Variants in DNAH3 observed in about 807,000 individuals in gnomAD.
The protein encoded by DNAH3 is axonemal beta dynein heavy chain 3.
DNAH3 carries 332 observed loss-of-function variants against 432.5 expected under a neutral mutation model. That is an observed-to-expected ratio of 0.77 (90% CI 0.70 to 0.84). DNAH3 has a LOEUF of 0.84. DNAH3 is among the 40% of genes least tolerant of loss of function. The pLI is 0.00. For missense variants in DNAH3, 4,861 were observed against 5,114.0 expected, an observed-to-expected ratio of 0.95 and a Z score of 1.51; for synonymous variants, 1,956 against 1,900.2, an observed-to-expected ratio of 1.03 and a Z score of -0.76.
At chr16:21,033,106 A>G (rs978041785) in intron 36 of DNAH3, among the ~76,000 whole-genome samples, 1 of 152,168 alleles carries the variant, frequency 6.6e-6, no homozygotes, top group Non-Finnish European at 1.5e-5. Context: ...TGCCGGGATT[A>G]TGGGTGTGAG....
rs569635204 is a variant in DNAH3, at chr16:21,145,565, G to A, written c.223-159C>T. ...AAGATTGTCTGAACAGACACCAACTGTACTTCTCTGACCATTGTAAGCATG... is the reference window on the plus strand; with the variant it reads ...AAGATTGTCTGAACAGACACCAACTATACTTCTCTGACCATTGTAAGCATG... On this transcript the variant is annotated intron_variant, in intron 2 of 61. Coordinates refer to ENST00000261383, the Ensembl canonical transcript of DNAH3. 7.2e-5 allele frequency among the ~76,000 whole-genome samples: 11 copies of A among 152,312 alleles called. No individual in the cohort carries two copies. In the South Asian group the frequency reaches 2.3e-3, roughly 32 times the overall value.
At chr16:20,963,970 A>G in exon 53 of DNAH3, 2 of 1,614,150 alleles carry the variant, frequency 1.2e-6, no homozygotes, top group Non-Finnish European at 1.7e-6. Context: ...GATACAAAAG[A>G]AGATGGTGGC....
At chr16:21,023,606 A>C (rs1421062750) in intron 39 of DNAH3, among the ~76,000 whole-genome samples, 2 of 152,170 alleles carry the variant, frequency 1.3e-5, no homozygotes, top group Non-Finnish European at 2.9e-5. Flanking sequence ...CTTGGAAACA[A>C]GACAGGACTG....
At chr16:20,970,107 C>G (rs188972958) in intron 51 of DNAH3, 117 bp from the exon 52 acceptor site, 1 of 959,816 alleles carries the variant, frequency 1.0e-6, no homozygotes, top group Non-Finnish European at 1.6e-6. Flanking sequence ...TTCCAGATAC[C>G]CTTTAACATG....
intron 59 of DNAH3, 40 bp downstream of exon 59, chr16:20,941,361 G>GTTCCA: frequency 2.5e-6 from 4 of 1,611,314 alleles, no homozygotes; most frequent in Non-Finnish European, 3.4e-6. Context: ...TACTCCTCAC[G>GTTCCA]TTCCAACTCC....
chr16:21,083,490 G>A (rs916345926), intron 19 of DNAH3, among the ~76,000 whole-genome samples: 1 of 152,206 alleles, frequency 6.6e-6, no homozygotes. Flanking sequence ...TTAGTGTAGT[G>A]ATCCAAAAAG....
chr16:21,076,268 G>C (rs1045593621), intron 20 of DNAH3, among the ~76,000 whole-genome samples: 2 of 152,166 alleles, frequency 1.3e-5, no homozygotes, highest in Non-Finnish European at 2.9e-5. Flanking sequence ...TTAGGACACA[G>C]ACACACAGAG....
exon 43 of DNAH3, chr16:21,000,297 G>C (rs1435241525): frequency 1.2e-6 from 2 of 1,614,154 alleles, no homozygotes; most frequent in Admixed American, 1.7e-5. Context: ...GCTTGGACAT[G>C]ATGATATCCT....
intron 55 of DNAH3, 98 bp downstream of exon 55, chr16:20,954,715 C>T: frequency 1.4e-6 from 2 of 1,390,662 alleles, no homozygotes; most frequent in Non-Finnish European, 1.9e-6. Flanking sequence ...TACTGGCAAC[C>T]CTATCTGAGC....
At chr16:21,041,160 C>G (rs536074289) in intron 32 of DNAH3, among the ~76,000 whole-genome samples, 3 of 152,202 alleles carry the variant, frequency 2.0e-5, no homozygotes, top group Non-Finnish European at 4.4e-5. Flanking sequence ...TGCCTGAGGT[C>G]AGGAGTTTGA....
intron 14 of DNAH3, among the ~76,000 whole-genome samples, chr16:21,107,335 G>A (rs1473986562): frequency 6.7e-6 from 1 of 149,044 alleles, no homozygotes; most frequent in Non-Finnish European, 1.5e-5. Context: ...TGCTTCCCGG[G>A]CTCAAGCAAT....
At chr16:21,003,744 C>T (rs764466803) in intron 41 of DNAH3, among the ~76,000 whole-genome samples, 1 of 152,046 alleles carries the variant, frequency 6.6e-6, no homozygotes. Flanking sequence ...CACTGCACTC[C>T]AGCCTGGGCA....
At chr16:20,979,913 C>G (rs1455088088) in intron 49 of DNAH3, among the ~76,000 whole-genome samples, 1 of 152,088 alleles carries the variant, frequency 6.6e-6, no homozygotes, top group Admixed American at 6.6e-5. Flanking sequence ...CCACGCCCAG[C>G]TAATTTTTCT....
chr16:21,158,653 C>G (rs905504296), intron 1 of DNAH3: 3 of 152,700 alleles, frequency 2.0e-5, no homozygotes, highest in African/African-American at 7.2e-5. Context: ...GGCTCCCTCT[C>G]GGGACGCTCT....
exon 6 of DNAH3, chr16:21,136,372 C>A: frequency 6.2e-7 from 1 of 1,614,032 alleles, no homozygotes; most frequent in Non-Finnish European, 8.5e-7. Context: ...TTCTCCTGCA[C>A]GAGGACCACC....
chr16:20,992,232 G>T (rs2086588084), intron 44 of DNAH3, among the ~76,000 whole-genome samples: 1 of 152,032 alleles, frequency 6.6e-6, no homozygotes, highest in Middle Eastern at 3.4e-3. Flanking sequence ...TCTTTGGTGA[G>T]TGAAAGCCTC....
chr16:21,157,025 A>ACACACACACACACACACACACACACAC (rs2092902716), intron 1 of DNAH3, among the ~76,000 whole-genome samples: 3 of 151,368 alleles, frequency 2.0e-5, no homozygotes, highest in African/African-American at 7.3e-5. Flanking sequence ...ACACACACAC[A>ACACACACACACACACACACACACACAC]ATCTTTTCCT....
At chr16:21,069,570 T>C (rs202218176) in exon 23 of DNAH3, 12 of 1,610,056 alleles carry the variant, frequency 7.5e-6, no homozygotes, top group Non-Finnish European at 1.0e-5. Context: ...TTGTCTTGTA[T>C]GCGAATTAGC....
chr16:21,026,352 T>A (rs1172983491), intron 38 of DNAH3, among the ~76,000 whole-genome samples: 2 of 151,966 alleles, frequency 1.3e-5, no homozygotes, highest in African/African-American at 4.8e-5. Flanking sequence ...GAAAACCAAA[T>A]CCCGTATGTT....
Sources: gnomAD v4.1 joint callset for allele counts (sites outside exome capture counted in the v4.1 genomes callset) on GRCh38, gnomAD v4.1.1 for gene constraint, MANE v1.5 for transcripts, NCBI Gene and HGNC (gene_info 2026-07-23, HGNC 2026-07-21) for gene names.